The following EEPD1 variants were observed in gnomAD, a reference collection of about 807,000 sequenced individuals.
The protein encoded by EEPD1 is endonuclease/exonuclease/phosphatase family domain containing 1, also known as endonuclease/exonuclease/phosphatase family domain-containing protein 1.
Under a neutral mutation model 46.3 loss-of-function variants are expected in EEPD1, and 17 were observed. The observed-to-expected ratio is 0.37, with a 90% CI of 0.25 to 0.55. EEPD1 has a LOEUF of 0.55. Among genes scored for constraint, EEPD1 ranks in the 20% least tolerant of loss-of-function variants. The probability of loss-of-function intolerance (pLI) is 0.83; values close to 1 mark genes in which losing one functional copy is unlikely to be tolerated. For missense variants in EEPD1, 673 were observed against 745.6 expected (o/e 0.90, Z 1.13); for synonymous variants, 313 against 315.6 (o/e 0.99, Z 0.09).
At chr7:36,283,649 G>C (rs1454662354) in intron 4 of EEPD1, among the ~76,000 whole-genome samples, 1 of 152,168 alleles carries the variant, frequency 6.6e-6, no homozygotes, top group Non-Finnish European at 1.5e-5. Context: ...CACTCTCCAG[G>C]GGGTGGGCAA....
intron 3 of EEPD1, among the ~76,000 whole-genome samples, chr7:36,277,669 C>A (rs548686676): frequency 5.2e-4 from 79 of 152,198 alleles, no homozygotes; most frequent in Non-Finnish European, 1.0e-3. Context: ...TTTTTTCAGT[C>A]CTAAAAATAG....
intron 3 of EEPD1, among the ~76,000 whole-genome samples, chr7:36,279,348 A>G (rs563822980): frequency 2.0e-4 from 30 of 152,246 alleles, no homozygotes; most frequent in African/African-American, 7.2e-4. Flanking sequence ...CACTCCTAGA[A>G]TAGCCCATTT....
chr7:36,173,304 T>A (rs1024326831), intron 2 of EEPD1, among the ~76,000 whole-genome samples: 1 of 129,726 alleles, frequency 7.7e-6, no homozygotes, highest in Non-Finnish European at 1.6e-5. Context: ...GTGGCCAACA[T>A]GGTGAAAGCC....
At chr7:36,278,510 G>A (rs2078296) in intron 3 of EEPD1, among the ~76,000 whole-genome samples, 1 of 111,772 alleles carries the variant, frequency 8.9e-6, no homozygotes, top group Admixed American at 8.6e-5. Context: ...GGGGGGCGGT[G>A]GGGGGGGCGC....
intron 2 of EEPD1, among the ~76,000 whole-genome samples, chr7:36,161,262 G>A (rs1322486441): frequency 6.6e-6 from 1 of 152,198 alleles, no homozygotes; most frequent in African/African-American, 2.4e-5. Context: ...CCACTTTGTG[G>A]TCGGGGGCTC....
At chr7:36,217,990 G>A (rs374214268) in intron 2 of EEPD1, among the ~76,000 whole-genome samples, 9 of 152,298 alleles carry the variant, frequency 5.9e-5, no homozygotes, top group Middle Eastern at 6.8e-3. Context: ...TCTCTTGTGT[G>A]TTCAGTTAAT....
At chr7:36,296,347 A>G (rs558254226) in intron 6 of EEPD1, among the ~76,000 whole-genome samples, 3 of 152,278 alleles carry the variant, frequency 2.0e-5, no homozygotes, top group South Asian at 2.1e-4. Context: ...GAAGTAGCCA[A>G]CTGAACCTCA....
At chr7:36,266,323 A>T (rs570637767) in intron 3 of EEPD1, among the ~76,000 whole-genome samples, 2 of 152,190 alleles carry the variant, frequency 1.3e-5, no homozygotes, top group Non-Finnish European at 2.9e-5. Context: ...TGGGCTGTGC[A>T]TTCCTCTCCT....
Position 36,154,986 on chromosome 7 carries a change from C to T in EEPD1, c.662C>T (p.Pro221Leu). 3 of 1,613,562 alleles carry T rather than the reference C, an allele frequency of 1.9e-6. No homozygotes were observed. Among genetic ancestry groups the T allele is most frequent in the Non-Finnish European group, 2.5e-6 (3 of 1,179,712 alleles). ...LTFTAKPHPSPTSLSLQSEDL... is the reference protein window; with the variant it reads ...LTFTAKPHPSLTSLSLQSEDL... ...TTCACCGCCAAGCCTCACCCGAGCC[C>T]CACTTCCCTGAGCCTGCAGAGTGAG... Residue 221 changes from proline to leucine, a missense_variant, in exon 2 of 8, where the codon CCC becomes CTC. By Grantham distance (98) the Pro-to-Leu change is moderately conservative (BLOSUM62 -3). Transcript: ENST00000242108. The surrounding 1 kb of genome is among the most constrained non-coding windows in gnomAD (Gnocchi z 4.2).
rs1787598284 is a variant in EEPD1, at chr7:36,300,208, T to C, written c.*1002T>C. 1 of 152,174 alleles carries C rather than the reference T, an allele frequency of 6.6e-6. No homozygotes were observed. Among genetic ancestry groups the C allele is most frequent in the East Asian group, 1.9e-4 (1 of 5,186 alleles). The allele number at this position is 152,174 out of a possible 1,614,324, so 9.4% of individuals were successfully genotyped here. On this transcript the variant is annotated 3_prime_UTR_variant, in exon 8 of 8. Transcript: ENST00000242108. ...GTATCATGGAGAGTGTCCCTCCTAG[T>C]GGCTGGAGGTAGGGACAGTTGGTTG...
chr7:36,281,773 C>A (rs1787264452), intron 4 of EEPD1, among the ~76,000 whole-genome samples: 4 of 152,092 alleles, frequency 2.6e-5, no homozygotes, highest in Admixed American at 2.6e-4. Context: ...TTATTCAAGG[C>A]CAGATTTATT....
chr7:36,287,674 C>G lies in EEPD1; in HGVS notation c.1212C>G (p.His404Gln), dbSNP rs142316483. 1.2e-6 allele frequency: 2 copies of G among 1,614,148 alleles called. No individual in the cohort carries two copies. The highest frequency in any genetic ancestry group is 1.6e-4 in the Middle Eastern group (1 of 6,062). The change falls in exon 6 of 8, where the codon CAC becomes CAG. Residue 404 changes from histidine (H) to glutamine (Q), a missense_variant. Physicochemically the swap from His to Gln is conservative, Grantham distance 24. Transcript: ENST00000242108. ...ACGACCTGACCCTTGTTAACCTTCA[C>G]CTGGCAGCCCTGACCCTCCTGGGGA... ...GSHDLTLVNL[H>Q]LAALTLLGSE...
intron 2 of EEPD1, among the ~76,000 whole-genome samples, chr7:36,190,129 T>TGGGATTATAGATGAGA (rs1785436494): frequency 6.6e-6 from 1 of 152,234 alleles, no homozygotes; most frequent in Non-Finnish European, 1.5e-5. Context: ...CCCAACACTT[T>TGGGATTATAGATGAGA]GGGAAGCCAA....
At chr7:36,255,604 G>A (rs1786817142) in intron 3 of EEPD1, among the ~76,000 whole-genome samples, 1 of 152,120 alleles carries the variant, frequency 6.6e-6, no homozygotes, top group African/African-American at 2.4e-5. Context: ...ACATTTTCTG[G>A]TTTATTTGCG....
chr7:36,245,888 G>C (rs1446663748), intron 3 of EEPD1, among the ~76,000 whole-genome samples: 1 of 152,152 alleles, frequency 6.6e-6, no homozygotes, highest in Non-Finnish European at 1.5e-5. Flanking sequence ...TCTGAGAGTG[G>C]GACACTTCTG....
At chr7:36,244,466 G>T (rs1786604625) in intron 3 of EEPD1, among the ~76,000 whole-genome samples, 1 of 152,164 alleles carries the variant, frequency 6.6e-6, no homozygotes, top group Non-Finnish European at 1.5e-5. Flanking sequence ...TTGTTATTAG[G>T]ATCTTAGTAT....
At chr7:36,216,064 G>T (rs756464482) in intron 2 of EEPD1, among the ~76,000 whole-genome samples, 2 of 152,112 alleles carry the variant, frequency 1.3e-5, no homozygotes, top group Admixed American at 1.3e-4. Context: ...CAGCTGGTGG[G>T]CCCCCATATA....
intron 2 of EEPD1, among the ~76,000 whole-genome samples, chr7:36,208,019 G>A (rs900783717): frequency 8.5e-5 from 13 of 152,104 alleles, no homozygotes; most frequent in African/African-American, 2.2e-4. Context: ...CTCCAGGAAC[G>A]GTGCCTCCTC....
intron 7 of EEPD1, among the ~76,000 whole-genome samples, chr7:36,298,272 A>G (rs1331339456): frequency 6.6e-6 from 1 of 152,208 alleles, no homozygotes; most frequent in African/African-American, 2.4e-5. Context: ...CTGAGCCAAC[A>G]GGGCTGGAAG....
Sources: gnomAD v4.1 joint callset for allele counts (sites outside exome capture counted in the v4.1 genomes callset) on GRCh38, gnomAD v4.1.1 for gene constraint, Gnocchi (gnomAD v3.1) non-coding constraint, MANE v1.5 for transcripts, NCBI Gene and HGNC (gene_info 2026-07-23, HGNC 2026-07-21) for gene names.